ZNF692: variants seen among roughly 807,000 people sequenced by gnomAD.
The protein encoded by ZNF692 is zinc finger protein 692.
In ZNF692, 41 loss-of-function variants were observed where a neutral mutation model predicts 49.0. The observed-to-expected ratio is 0.84, with a 90% CI of 0.65 to 1.08. The LOEUF is 1.08. Among genes scored for constraint, ZNF692 ranks in the 50% least tolerant of loss-of-function variants. The pLI, the probability that ZNF692 is intolerant of heterozygous loss-of-function variation, is 0.00. For missense variants in ZNF692, 662 were observed against 662.2 expected (o/e 1.00, Z 0.00); for synonymous variants, 288 against 251.5 (o/e 1.15, Z -1.37).
At position 248,850,069 on chromosome 1, in the gene ZNF692, C is replaced by T. The variant is rs11544420; in HGVS notation, c.*141G>A. On this transcript the variant is annotated 3_prime_UTR_variant, in exon 12 of 12. Coordinates refer to ENST00000306601, the MANE Select transcript of ZNF692 (RefSeq NM_017865.4). ...CTAAAGTAGTCCAGCTCCCCTACAG[C>T]CCAGTCTTGCCCCCACCCTGCACTC... 7 of 869,328 alleles carry T rather than the reference C, an allele frequency of 8.1e-6. No individual in the cohort carries two copies. The highest frequency in any genetic ancestry group is 1.2e-5 in the Non-Finnish European group (7 of 588,422). The allele number at this position is 869,328 out of a possible 1,614,324, so 53.9% of individuals were successfully genotyped here.
At chr1:248,851,003 T>G in intron 10 of ZNF692, 1 of 677,308 alleles carries the variant, frequency 1.5e-6, no homozygotes, top group Non-Finnish European at 2.7e-6. Context: ...ACTTCATTAT[T>G]GTCCACCCCA....
At chr1:248,851,658 A>G (rs753775176) in intron 10 of ZNF692, among the ~76,000 whole-genome samples, 9 of 151,916 alleles carry the variant, frequency 5.9e-5, no homozygotes, top group Non-Finnish European at 1.3e-4. Context: ...CCTGCTGTCA[A>G]TCAGCACTCC....
chr1:248,857,787 C>G (rs764264600), intron 3 of ZNF692, 41 bp downstream of exon 3: 1 of 1,607,942 alleles, frequency 6.2e-7, no homozygotes, highest in Non-Finnish European at 8.5e-7. Flanking sequence ...CCTGTGGTCC[C>G]TCTTCCCTCT....
chr1:248,857,399 C>A lies in ZNF692; in HGVS notation c.310G>T (p.Gly104Cys), dbSNP rs757167915. The change falls in exon 4 of 12, where the codon GGC becomes TGC. Residue 104 changes from glycine (G) to cysteine (C), a missense_variant. Physicochemically the swap from Gly to Cys is radical, Grantham distance 159 (BLOSUM62 -3). Transcript: ENST00000306601. ...CACACAAGCCCCCCATCTTGGCCGC[C>A]AGGCCCCCGAAGCCCGGGCACCAGG... Reference protein sequence around the residue: ...CSLVPGLRGPGGQDGGLVWEC... With the variant: ...CSLVPGLRGPCGQDGGLVWEC... The A allele has an allele frequency of 6.2e-7, 1 of 1,614,158 alleles. No homozygotes were observed. The highest frequency in any genetic ancestry group is 2.2e-5 in the East Asian group (1 of 44,874).
intron 2 of ZNF692, 102 bp from the exon 3 acceptor site, chr1:248,857,961 C>A (rs1426372509): frequency 6.4e-7 from 1 of 1,563,130 alleles, no homozygotes; most frequent in Non-Finnish European, 8.7e-7. Context: ...CCGCTATTCG[C>A]TGAGACCATG....
At position 248,850,676 on chromosome 1, in the gene ZNF692, A is replaced by T. The variant is rs746541759; in HGVS notation, c.1253+6T>A. Reference sequence around the variant, plus strand: ...CCTGGCCCTCAGACCCCACCCCAGCACTCACTGCAGGGGTTTTTCTCCAGT... The same window carrying T: ...CCTGGCCCTCAGACCCCACCCCAGCTCTCACTGCAGGGGTTTTTCTCCAGT... On this transcript the variant is annotated splice_donor_region_variant and intron_variant, in intron 11 of 11. Transcript: ENST00000306601. 6.2e-7 allele frequency: 1 copy of T among 1,613,666 alleles called. No homozygotes were observed. Among genetic ancestry groups the T allele is most frequent in the Non-Finnish European group, 8.5e-7 (1 of 1,179,860 alleles).
intron 10 of ZNF692, among the ~76,000 whole-genome samples, chr1:248,853,552 C>T (rs1157069198): frequency 2.6e-5 from 4 of 152,324 alleles, no homozygotes; most frequent in African/African-American, 9.6e-5. Context: ...GTACAGGTTT[C>T]CATTCCTCAC....
At position 248,850,444 on chromosome 1, in the gene ZNF692, C is replaced by T. The variant is rs754007757; in HGVS notation, c.1326G>A (p.Thr442=). The T allele has an allele frequency of 6.7e-5, 108 of 1,613,758 alleles. No homozygotes were observed. The highest frequency in any genetic ancestry group is 1.2e-4 in the African/African-American group (9 of 74,936). ...CACAGGGGAAGCGCAAGGCAGCCAC[C>T]GTCTCTGCATGCTTGCGCTGGTGCC... is the stretch of plus-strand genomic sequence containing the variant. ...LNWHQRKHAE[T]VAALRFPCEF... is the part of the protein sequence containing the mutation. The change falls in exon 12 of 12, where the codon ACG becomes ACA. Residue 442 remains threonine (T), a synonymous_variant. Coordinates refer to ENST00000306601, the MANE Select transcript of ZNF692 (RefSeq NM_017865.4).
In ZNF692 at chr1:248,854,017, G is replaced by C; in HGVS notation, c.1073C>G (p.Ser358Cys). The C allele has an allele frequency of 6.2e-7, 1 of 1,614,210 alleles. No individual in the cohort carries two copies. The highest frequency in any genetic ancestry group is 1.3e-5 in the African/African-American group (1 of 75,056). Residue 358 changes from serine (S) to cysteine (C), a missense_variant, in exon 10 of 12, where the codon TCT becomes TGT. Coordinates refer to ENST00000306601, the MANE Select transcript of ZNF692 (RefSeq NM_017865.4). ...ACAGGCTGGCTCTGGGCAGGAGAAAGACTTCTGGTGGATGTGCTGGTACTT... is the reference window on the plus strand; with the variant it reads ...ACAGGCTGGCTCTGGGCAGGAGAAACACTTCTGGTGGATGTGCTGGTACTT... The part of the protein sequence containing the change: ...HKKYQHIHQK[S>C]FSCPEPACGK...
intron 4 of ZNF692, 33 bp from the exon 5 acceptor site, chr1:248,856,595 C>T (rs767128989): frequency 4.3e-6 from 7 of 1,613,850 alleles, no homozygotes; most frequent in Non-Finnish European, 5.9e-6. Context: ...AGAGAAGGAA[C>T]TCTGGACTCA....
chr1:248,858,560 C>G lies in ZNF692; in HGVS notation c.-12-239G>C. 6.4e-7 allele frequency: 1 copy of G among 1,551,694 alleles called. No individual in the cohort carries two copies. The highest frequency in any genetic ancestry group is 1.4e-5 in the African/African-American group (1 of 73,178). ...GGCAGGCAGACAGAAGCAGTCAGAA[C>G]AAAGGCCTGCGCCCTCCAGTCCACT... is the stretch of plus-strand genomic sequence containing the variant. On this transcript the variant is annotated intron_variant, in intron 1 of 11. Coordinates refer to ENST00000306601, the MANE Select transcript of ZNF692 (RefSeq NM_017865.4). This position sits in a 1 kb window ranked among gnomAD's most constrained non-coding sequence, Gnocchi z 4.3.
Position 248,850,713 on chromosome 1 carries a change from T to A in ZNF692, c.1222A>T (p.Arg408Ter), listed in dbSNP as rs1659466329. 1 of 1,614,014 alleles carries A rather than the reference T, an allele frequency of 6.2e-7. No individual in the cohort carries two copies. The highest frequency in any genetic ancestry group is 1.3e-5 in the African/African-American group (1 of 74,902). ...FRTSSNLVIH[R>*]RIHTGEKPLQ... ...GGTTTTTCTCCAGTGTGGATACGTC[T>A]GTGGATGACAAGGTTGCTGCTAGTG... Residue 408 changes from arginine to a stop codon, truncating the protein, a stop_gained, in exon 11 of 12, where the codon AGA becomes TGA. Transcript: ENST00000306601. LOFTEE classifies it low-confidence loss of function (END_TRUNC).
In ZNF692 at chr1:248,850,732, G is replaced by A. The variant is rs764051416; in HGVS notation, c.1203C>T (p.Ser401=). 5.0e-6 allele frequency: 8 copies of A among 1,613,986 alleles called. No homozygotes were observed. The highest frequency in any genetic ancestry group is 6.8e-6 in the Non-Finnish European group (8 of 1,180,018). ...TACGTCTGTGGATGACAAGGTTGCT[G>A]CTAGTGCGGAAAGACCGGGCGCAGA... ...CEFCARSFRT[S]SNLVIHRRIH... is the part of the protein sequence containing the mutation. The change falls in exon 11 of 12, where the codon AGC becomes AGT. Residue 401 remains serine, a synonymous_variant. Transcript: ENST00000306601.
intron 9 of ZNF692, 84 bp downstream of exon 9, chr1:248,855,296 G>A: frequency 7.3e-7 from 1 of 1,367,950 alleles, no homozygotes; most frequent in Non-Finnish European, 1.0e-6. Flanking sequence ...ATCCTCCCAT[G>A]CCTTAAGATC....
rs376937067 is a variant in ZNF692, at chr1:248,857,869, G to T, written c.180-10C>A. 31 of 1,613,670 alleles carry T rather than the reference G, an allele frequency of 1.9e-5. No homozygotes were observed. The highest frequency in any genetic ancestry group is 2.6e-5 in the Non-Finnish European group (31 of 1,179,852). ...GCCTGAAGAAGTGTACCTGCCAGCAGGAGAAGAGGCAGGTCAGGACTCAGG... is the reference window on the plus strand; with the variant it reads ...GCCTGAAGAAGTGTACCTGCCAGCATGAGAAGAGGCAGGTCAGGACTCAGG... On this transcript the variant is annotated splice_polypyrimidine_tract_variant and intron_variant, in intron 2 of 11. Coordinates refer to ENST00000306601, the MANE Select transcript of ZNF692 (RefSeq NM_017865.4).
Position 248,858,799 on chromosome 1 carries a change from T to C in ZNF692, c.-13+119A>G, listed in dbSNP as rs1660557327. 5.2e-6 allele frequency: 3 copies of C among 581,466 alleles called. No homozygotes were observed. Among genetic ancestry groups the C allele is most frequent in the Middle Eastern group, 9.1e-4 (2 of 2,186 alleles). The allele number at this position is 581,466 out of a possible 1,614,324, so 36.0% of individuals were successfully genotyped here. A position where few individuals can be genotyped will look rare whatever the true frequency, so the allele number is the denominator to read the frequency against. Reference sequence around the variant, plus strand: ...TCAGAGGTCTGGAGGGCGCCCCCCATCCACCCCGTCTTGGGCACCCCCACT... The same window carrying C: ...TCAGAGGTCTGGAGGGCGCCCCCCACCCACCCCGTCTTGGGCACCCCCACT... On this transcript the variant is annotated intron_variant, in intron 1 of 11. Transcript: ENST00000306601. The surrounding 1 kb of genome is among the most constrained non-coding windows in gnomAD (Gnocchi z 4.3).
Position 248,858,457 on chromosome 1 carries a change from G to A in ZNF692, c.-12-136C>T, listed in dbSNP as rs1291070391. On this transcript the variant is annotated intron_variant, in intron 1 of 11. Coordinates refer to ENST00000306601, the MANE Select transcript of ZNF692 (RefSeq NM_017865.4). The surrounding 1 kb of genome is among the most constrained non-coding windows in gnomAD (Gnocchi z 4.3). The stretch of plus-strand genomic sequence containing the variant: ...TAAACTATTTCAATAGCAGTGGCAG[G>A]TGTGGAGCCAAACCCCGTCCTTCTA... The A allele has an allele frequency of 2.6e-6, 4 of 1,551,488 alleles. No individual in the cohort carries two copies. Among genetic ancestry groups the A allele is most frequent in the Admixed American group, 2.0e-5 (1 of 50,990 alleles).
Position 248,858,791 on chromosome 1 carries a change from GC to G in ZNF692, c.-13+126del. ...GGCCGTGGTCAGAGGTCTGGAGGGC[GC>G]CCCCCATCCACCCCGTCTTGGGCAC... On this transcript the variant is annotated intron_variant, in intron 1 of 11. Transcript: ENST00000306601. The surrounding 1 kb of genome is among the most constrained non-coding windows in gnomAD (Gnocchi z 4.3). The G allele has an allele frequency of 4.1e-5, 24 of 588,348 alleles. No homozygotes were observed. Among genetic ancestry groups the G allele is most frequent in the South Asian group, 4.0e-4 (20 of 50,602 alleles). The allele number at this position is 588,348 out of a possible 1,614,324, so 36.4% of individuals were successfully genotyped here. A position where few individuals can be genotyped will look rare whatever the true frequency, so the allele number is the denominator to read the frequency against.
rs938544565 is a variant in ZNF692 at position 248,855,292 on chromosome 1, C to T, written c.1038+88G>A. The T allele has an allele frequency of 9.0e-6, 12 of 1,336,392 alleles. No homozygotes were observed. In the Admixed American group the frequency reaches 9.1e-5, roughly 10 times the overall value. The allele number at this position is 1,336,392 out of a possible 1,614,324, so 82.8% of individuals were successfully genotyped here. A position where few individuals can be genotyped will look rare whatever the true frequency, so the allele number is the denominator to read the frequency against. ...CTCTGCTTCCTGGTTCTGAATCCTC[C>T]CATGCCTTAAGATCCTTTTCCTCAG... On this transcript the variant is annotated intron_variant, in intron 9 of 11. Transcript: ENST00000306601.
Sources: allele counts gnomAD v4.1 joint callset (sites outside exome capture counted in the v4.1 genomes callset), GRCh38; gene constraint gnomAD v4.1.1; non-coding constraint Gnocchi (gnomAD v3.1); transcripts MANE v1.5; gene names NCBI Gene and HGNC (gene_info 2026-07-23, HGNC 2026-07-21).